Variants in KATNAL1 observed in about 807,000 individuals in gnomAD.
KATNAL1 encodes katanin catalytic subunit A1 like 1.
Under a neutral mutation model 55.2 loss-of-function variants are expected in KATNAL1, and 32 were observed. That is an observed-to-expected ratio of 0.58 (90% CI 0.44 to 0.78). The LOEUF (loss-of-function observed/expected upper bound fraction) is 0.78, where lower values mean the gene tolerates loss of function less well. Among genes scored for constraint, KATNAL1 ranks in the 30% least tolerant of loss-of-function variants. The pLI, the probability that KATNAL1 is intolerant of heterozygous loss-of-function variation, is 0.00. For synonymous variants in KATNAL1, 193 were observed against 193.6 expected (o/e 1.00, Z 0.02); for missense variants, 466 against 600.9 (o/e 0.78, Z 2.35).
intron 9 of KATNAL1, among the ~76,000 whole-genome samples, chr13:30,221,992 A>G: frequency 6.6e-6 from 1 of 152,226 alleles, no homozygotes; most frequent in South Asian, 2.1e-4. Context: ...CGGAGGTTGC[A>G]GTGAGGTAAG....
chr13:30,240,859 A>T (rs1593871821), intron 5 of KATNAL1, 100 bp downstream of exon 5: 1 of 1,060,730 alleles, frequency 9.4e-7, no homozygotes, highest in East Asian at 2.4e-5. Context: ...AGATGTGGTC[A>T]TAATCAGATT....
chr13:30,235,049 C>T (rs77985113), intron 6 of KATNAL1, among the ~76,000 whole-genome samples: 5,261 of 152,262 alleles, frequency 0.035, 103 homozygotes, highest in African/African-American at 0.051. Flanking sequence ...AACTCAACCT[C>T]TGGGAAGAGG....
intron 4 of KATNAL1, among the ~76,000 whole-genome samples, chr13:30,249,777 C>T (rs1022310865): frequency 2.6e-5 from 4 of 152,112 alleles, no homozygotes; most frequent in East Asian, 1.9e-4. Context: ...GCCAAATGTT[C>T]GATTTCTTGA....
At chr13:30,285,295 A>G (rs1289165438) in intron 1 of KATNAL1, among the ~76,000 whole-genome samples, 1 of 149,830 alleles carries the variant, frequency 6.7e-6, no homozygotes, top group South Asian at 2.1e-4. Flanking sequence ...CTGTGTCCCC[A>G]CCCAAATCTC....
chr13:30,282,629 C>A (rs1421726997), intron 2 of KATNAL1, among the ~76,000 whole-genome samples: 24 of 149,998 alleles, frequency 1.6e-4, no homozygotes, highest in African/African-American at 5.9e-4. Flanking sequence ...CAGAGCAAAA[C>A]CCTGTCTCTT....
intron 9 of KATNAL1, among the ~76,000 whole-genome samples, chr13:30,226,013 T>C (rs1417293949): frequency 6.6e-6 from 1 of 151,950 alleles, no homozygotes; most frequent in African/African-American, 2.4e-5. Context: ...ACCATGACCA[T>C]AAAAAGCACA....
At chr13:30,210,880 T>C (rs905339317) in intron 9 of KATNAL1, among the ~76,000 whole-genome samples, 3 of 152,184 alleles carry the variant, frequency 2.0e-5, no homozygotes, top group East Asian at 1.9e-4. Context: ...TAGTATGACA[T>C]GGATCTCCAG....
intron 9 of KATNAL1, among the ~76,000 whole-genome samples, chr13:30,221,361 T>TA (rs1874839004): frequency 6.6e-6 from 1 of 152,248 alleles, no homozygotes; most frequent in Non-Finnish European, 1.5e-5. Flanking sequence ...TGATTTTTCT[T>TA]AGTTCTGCCA....
At chr13:30,265,364 A>G (rs1387899665) in intron 3 of KATNAL1, among the ~76,000 whole-genome samples, 1 of 151,462 alleles carries the variant, frequency 6.6e-6, no homozygotes, top group African/African-American at 2.4e-5. Flanking sequence ...CCTAAAATTT[A>G]AAGTATAATA....
At chr13:30,284,903 A>G (rs956738024) in intron 1 of KATNAL1, among the ~76,000 whole-genome samples, 1 of 152,232 alleles carries the variant, frequency 6.6e-6, no homozygotes, top group Non-Finnish European at 1.5e-5. Flanking sequence ...TAGCAAGTCC[A>G]GAGTTACAGG....
intron 1 of KATNAL1, chr13:30,296,646 G>T: frequency 1.5e-6 from 1 of 686,102 alleles, no homozygotes. Flanking sequence ...CGAGCACAGG[G>T]AAGTTTGTCC....
At position 30,241,989 on chromosome 13, in the gene KATNAL1, T is replaced by C. The variant is rs184657674; in HGVS notation, c.493-903A>G. Among the ~76,000 whole-genome samples the C allele has an allele frequency of 1.8e-4, 28 of 152,292 alleles. No homozygotes were observed. The East Asian group carries it at 5.4e-3, about 29-fold the overall frequency. On this transcript the variant is annotated intron_variant, in intron 4 of 10. Transcript: ENST00000380615. The stretch of plus-strand genomic sequence containing the variant: ...TTCCCGAAGATTCTTGCATTCCAGA[T>C]GACAGATATCAATACTGACAATATT...
intron 9 of KATNAL1, among the ~76,000 whole-genome samples, chr13:30,214,149 T>C (rs1034488700): frequency 1.3e-5 from 2 of 152,068 alleles, no homozygotes; most frequent in Non-Finnish European, 2.9e-5. Context: ...CAGAGCCAAA[T>C]CATGAGTGAA....
intron 6 of KATNAL1, among the ~76,000 whole-genome samples, chr13:30,233,611 A>AG (rs199964766): frequency 0.04 from 6,021 of 150,918 alleles, 305 homozygotes; most frequent in East Asian, 0.17. Flanking sequence ...AAAAAAAAAA[A>AG]GAAATCGATA....
At chr13:30,273,073 G>A (rs1880504500) in intron 3 of KATNAL1, among the ~76,000 whole-genome samples, 1 of 152,158 alleles carries the variant, frequency 6.6e-6, no homozygotes, top group African/African-American at 2.4e-5. Context: ...CAAGGGCATT[G>A]CTCCAGCAGT....
At chr13:30,226,300 C>T (rs1031417270) in intron 9 of KATNAL1, among the ~76,000 whole-genome samples, 17 of 152,116 alleles carry the variant, frequency 1.1e-4, no homozygotes, top group African/African-American at 3.9e-4. Flanking sequence ...TGAAAACATT[C>T]ATCCATAAAA....
intron 3 of KATNAL1, among the ~76,000 whole-genome samples, chr13:30,273,348 G>A (rs1040135076): frequency 6.6e-6 from 1 of 152,108 alleles, no homozygotes; most frequent in African/African-American, 2.4e-5. Context: ...GTGCAACAAG[G>A]CCACCAGTGA....
At chr13:30,281,308 G>A (rs17074507) in intron 2 of KATNAL1, among the ~76,000 whole-genome samples, 22,609 of 151,368 alleles carry the variant, frequency 0.15, 1,752 homozygotes, top group South Asian at 0.2. Context: ...GAAAAAGCTA[G>A]GTAAAATTCA....
intron 3 of KATNAL1, among the ~76,000 whole-genome samples, chr13:30,267,345 A>G (rs2137494633): frequency 6.6e-6 from 1 of 152,336 alleles, no homozygotes. Flanking sequence ...AAATTCTCAC[A>G]GGTCTTTGTC....
Sources: gnomAD v4.1 joint callset for allele counts (sites outside exome capture counted in the v4.1 genomes callset) on GRCh38, gnomAD v4.1.1 for gene constraint, MANE v1.5 for transcripts, NCBI Gene and HGNC (gene_info 2026-07-23, HGNC 2026-07-21) for gene names.